TMTC2: variants seen among roughly 807,000 people sequenced by gnomAD.
TMTC2 encodes protein O-mannosyl-transferase TMTC2.
A neutral mutation model predicts 82.4 loss-of-function variants in TMTC2; 43 were observed. The ratio of observed to expected loss-of-function variants is 0.52; its 90% CI spans 0.41 to 0.67. The LOEUF (loss-of-function observed/expected upper bound fraction) is 0.67, where lower values mean the gene tolerates loss of function less well. Ranked by LOEUF, TMTC2 falls within the 30% of genes least tolerant of loss-of-function variation. The probability of loss-of-function intolerance (pLI) is 0.00; values close to 1 mark genes in which losing one functional copy is unlikely to be tolerated. For missense variants in TMTC2, 919 were observed against 1,012.4 expected (o/e 0.91, Z 1.25); for synonymous variants, 408 against 381.9 (o/e 1.07, Z -0.80).
At position 82,857,334 on chromosome 12, in the gene TMTC2, C is replaced by A. The variant is rs777586062; in HGVS notation, c.408C>A (p.Ile136=). The A allele has an allele frequency of 6.2e-7, 1 of 1,613,580 alleles. No individual in the cohort carries two copies. The change falls in exon 2 of 12, where the codon ATC becomes ATA. Residue 136 remains isoleucine (I), a synonymous_variant. Coordinates refer to ENST00000321196, the MANE Select transcript of TMTC2 (RefSeq NM_152588.3). The stretch of plus-strand genomic sequence containing the variant: ...TTCACACGGAGGCAGTGGCAGGAAT[C>A]GTGGGACGAGCCGATGTCGGGGCCA... ...HPIHTEAVAG[I]VGRADVGASL...
At position 82,837,154 on chromosome 12, in the gene TMTC2, T is replaced by G. The variant is rs141606460; in HGVS notation, c.84-19856T>G. Among the ~76,000 whole-genome samples the G allele has an allele frequency of 6.0e-4, 91 of 152,338 alleles. 4 individuals are homozygous for G. Among genetic ancestry groups the G allele is most frequent in the African/African-American group, 2.0e-3 (85 of 41,576 alleles). On this transcript the variant is annotated intron_variant, in intron 1 of 11. Transcript: ENST00000321196. ...ATATGATTTGGACATATGGTCCACT[T>G]TGTCATAACAGCAGCTTTTGTTCTT... is the stretch of plus-strand genomic sequence containing the variant.
At chr12:82,780,594 A>C (rs776804991) in intron 1 of TMTC2, among the ~76,000 whole-genome samples, 3 of 152,148 alleles carry the variant, frequency 2.0e-5, no homozygotes, top group Non-Finnish European at 4.4e-5. Context: ...TTTGCTTCTT[A>C]TGTCAAATGA....
intron 5 of TMTC2, among the ~76,000 whole-genome samples, 196 bp downstream of exon 5, chr12:82,965,305 C>G (rs754328653): frequency 7.9e-5 from 12 of 152,038 alleles, no homozygotes; most frequent in Non-Finnish European, 1.5e-4. Flanking sequence ...ATTATGATAG[C>G]TATAACTTTT....
intron 7 of TMTC2, 21 bp from the exon 8 acceptor site, chr12:82,985,904 C>T (rs762963719): frequency 1.2e-6 from 2 of 1,609,204 alleles, no homozygotes; most frequent in African/African-American, 2.7e-5. Context: ...CTTTGACCTT[C>T]ATGATTAATT....
intron 4 of TMTC2, among the ~76,000 whole-genome samples, chr12:82,957,067 C>T (rs1169657884): frequency 6.6e-6 from 1 of 152,118 alleles, no homozygotes; most frequent in East Asian, 1.9e-4. Context: ...ACCAATAAAC[C>T]ACCCAATATA....
intron 2 of TMTC2, among the ~76,000 whole-genome samples, chr12:82,868,906 A>G (rs1289240506): frequency 6.6e-6 from 1 of 152,162 alleles, no homozygotes; most frequent in East Asian, 1.9e-4. Context: ...CAGGAGGCAG[A>G]AAATTTTGTC....
At chr12:83,110,528 T>A (rs916725129) in intron 11 of TMTC2, among the ~76,000 whole-genome samples, 4 of 152,214 alleles carry the variant, frequency 2.6e-5, no homozygotes, top group South Asian at 4.1e-4. Context: ...ACTGCTCTTA[T>A]CAAAGTTACT....
intron 11 of TMTC2, among the ~76,000 whole-genome samples, chr12:83,103,812 T>TG (rs1478493045): frequency 2.0e-5 from 3 of 152,212 alleles, no homozygotes; most frequent in Non-Finnish European, 2.9e-5. Context: ...CATAATCTCA[T>TG]CTGACATAAG....
chr12:82,816,704 C>G lies in TMTC2; in HGVS notation c.84-40306C>G, dbSNP rs534388868. Among the ~76,000 whole-genome samples the G allele has an allele frequency of 1.3e-4, 20 of 151,954 alleles. No individual in the cohort carries two copies. In the South Asian group the frequency reaches 3.5e-3, roughly 27 times the overall value. On this transcript the variant is annotated intron_variant, in intron 1 of 11. Transcript: ENST00000321196. ...ATTAGGAGGAGAGGAATTTTTTGGC[C>G]TATAGTGCTCTCTGAAAATGAAAGG... is the stretch of plus-strand genomic sequence containing the variant.
chr12:82,713,181 C>T lies in TMTC2; in HGVS notation c.83+25512C>T, dbSNP rs192127992. On this transcript the variant is annotated intron_variant, in intron 1 of 11. Transcript: ENST00000321196. ...CTAGAAAGACAAAAGATTAGCTGGG[C>T]GTGGTGGCACACGCCTGTAATCCCA... Among the ~76,000 whole-genome samples the T allele has an allele frequency of 1.9e-3, 290 of 152,120 alleles. 1 individual carries two copies. The highest frequency in any genetic ancestry group is 6.4e-3 in the African/African-American group (266 of 41,522).
chr12:82,994,880 C>A (rs1384551278), intron 8 of TMTC2, among the ~76,000 whole-genome samples: 1 of 152,036 alleles, frequency 6.6e-6, no homozygotes, highest in African/African-American at 2.4e-5. Flanking sequence ...TATTACCTTA[C>A]CCTTTAATTT....
At chr12:82,970,698 T>G (rs1052521085) in intron 7 of TMTC2, among the ~76,000 whole-genome samples, 1 of 152,260 alleles carries the variant, frequency 6.6e-6, no homozygotes, top group Non-Finnish European at 1.5e-5. Context: ...TTTAGCAATG[T>G]GGATATGACT....
chr12:83,077,593 G>A (rs762364368), intron 11 of TMTC2, among the ~76,000 whole-genome samples: 13 of 148,866 alleles, frequency 8.7e-5, no homozygotes, highest in Non-Finnish European at 1.8e-4. Flanking sequence ...TTTATTTTTT[G>A]AAACAGAGTC....
intron 1 of TMTC2, chr12:82,760,466 GTTTTTTTTTT>G (rs11401470): frequency 1.9e-5 from 2 of 108,006 alleles, no homozygotes; most frequent in Non-Finnish European, 3.6e-5. Flanking sequence ...TGTGCCCAGG[GTTTTTTTTTT>G]TTTTTTTTTT....
intron 3 of TMTC2, among the ~76,000 whole-genome samples, chr12:82,914,992 A>G (rs1470769526): frequency 1.3e-5 from 2 of 151,476 alleles, no homozygotes; most frequent in Non-Finnish European, 2.9e-5. Context: ...CGCCCGGCTA[A>G]TTTTGTATTT....
At chr12:82,820,914 G>A (rs1370643710) in intron 1 of TMTC2, among the ~76,000 whole-genome samples, 1 of 151,988 alleles carries the variant, frequency 6.6e-6, no homozygotes, top group African/African-American at 2.4e-5. Flanking sequence ...GTCTCACTCT[G>A]TTGCCTAGGC....
chr12:82,762,643 A>T (rs889672773), intron 1 of TMTC2, among the ~76,000 whole-genome samples: 30 of 152,188 alleles, frequency 2.0e-4, no homozygotes, highest in African/African-American at 7.2e-4. Context: ...AGTAATTTAT[A>T]AAAAAATGAG....
At chr12:83,078,834 T>C (rs1883372360) in intron 11 of TMTC2, among the ~76,000 whole-genome samples, 1 of 152,168 alleles carries the variant, frequency 6.6e-6, no homozygotes, top group Admixed American at 6.5e-5. Flanking sequence ...TTACATTTCC[T>C]TTTTGAAGAG....
chr12:82,750,677 G>T (rs959379272), intron 1 of TMTC2, among the ~76,000 whole-genome samples: 3 of 151,992 alleles, frequency 2.0e-5, no homozygotes, highest in African/African-American at 7.3e-5. Context: ...TATGTCTATT[G>T]TCTCTCCTTG....
Sources: allele counts gnomAD v4.1 joint callset (sites outside exome capture counted in the v4.1 genomes callset), GRCh38; gene constraint gnomAD v4.1.1; transcripts MANE v1.5; gene names NCBI Gene and HGNC (gene_info 2026-07-23, HGNC 2026-07-21).